Variants in EXT1 observed in about 807,000 individuals in gnomAD.
The protein encoded by EXT1 is exostosin-1.
Under a neutral mutation model 82.5 loss-of-function variants are expected in EXT1, and 20 were observed. The ratio of observed to expected loss-of-function variants is 0.24; its 90% CI spans 0.17 to 0.35. The LOEUF is 0.35. Among genes scored for constraint, EXT1 ranks in the 10% least tolerant of loss-of-function variants. The pLI is 1.00. For synonymous variants in EXT1, 348 were observed against 350.8 expected, an observed-to-expected ratio of 0.99 and a Z score of 0.09; for missense variants, 757 against 936.5, an observed-to-expected ratio of 0.81 and a Z score of 2.50.
intron 1 of EXT1, among the ~76,000 whole-genome samples, chr8:118,009,593 G>C (rs1303043202): frequency 6.6e-6 from 1 of 152,222 alleles, no homozygotes; most frequent in African/African-American, 2.4e-5. Context: ...GGCCTGTTAG[G>C]AACCGGGCTG....
At chr8:118,059,454 A>G (rs1232882287) in intron 1 of EXT1, among the ~76,000 whole-genome samples, 1 of 152,208 alleles carries the variant, frequency 6.6e-6, no homozygotes, top group Non-Finnish European at 1.5e-5. Flanking sequence ...AATGGGGTCC[A>G]GCTTGTCTTT....
chr8:117,930,494 G>A (rs1183308930), intron 1 of EXT1, among the ~76,000 whole-genome samples: 1 of 152,120 alleles, frequency 6.6e-6, no homozygotes, highest in African/African-American at 2.4e-5. Flanking sequence ...TCCACATCTG[G>A]TCAACCCCCA....
At chr8:118,050,416 A>T (rs918903694) in intron 1 of EXT1, among the ~76,000 whole-genome samples, 1 of 152,222 alleles carries the variant, frequency 6.6e-6, no homozygotes, top group Non-Finnish European at 1.5e-5. Flanking sequence ...ACCAAGACAT[A>T]ACATGGACTC....
chr8:118,002,754 G>A (rs530122852), intron 1 of EXT1, among the ~76,000 whole-genome samples: 10 of 151,834 alleles, frequency 6.6e-5, no homozygotes, highest in African/African-American at 2.2e-4. Context: ...GGATGGTCTC[G>A]ATTTCCTGAA....
intron 1 of EXT1, among the ~76,000 whole-genome samples, chr8:117,839,483 T>G (rs140334443): frequency 6.6e-6 from 1 of 152,344 alleles, no homozygotes; most frequent in East Asian, 1.9e-4. Context: ...TCTGTTCATA[T>G]GTATGCAGTG....
At chr8:117,947,347 T>C (rs1053564199) in intron 1 of EXT1, among the ~76,000 whole-genome samples, 1 of 152,216 alleles carries the variant, frequency 6.6e-6, no homozygotes, top group Non-Finnish European at 1.5e-5. Context: ...TTTGAGGTAA[T>C]GTTTACATGA....
chr8:118,074,359 G>T (rs1320908234), intron 1 of EXT1, among the ~76,000 whole-genome samples: 1 of 152,194 alleles, frequency 6.6e-6, no homozygotes, highest in African/African-American at 2.4e-5. Flanking sequence ...GAAGAGCCAG[G>T]AATGCATCCG....
intron 1 of EXT1, among the ~76,000 whole-genome samples, chr8:117,887,268 C>T (rs2129933885): frequency 6.6e-6 from 1 of 152,258 alleles, no homozygotes; most frequent in East Asian, 1.9e-4. Context: ...TTTCCTTCTC[C>T]TTGACTAAGG....
chr8:117,986,213 G>A (rs1446064981), intron 1 of EXT1, among the ~76,000 whole-genome samples: 1 of 109,614 alleles, frequency 9.1e-6, no homozygotes, highest in East Asian at 2.4e-4. Context: ...TTTTTGAGAC[G>A]AAGTCTCGCT....
At chr8:117,902,640 A>T (rs4602926) in intron 1 of EXT1, among the ~76,000 whole-genome samples, 38,802 of 152,084 alleles carry the variant, frequency 0.26, 5,702 homozygotes, top group East Asian at 0.36. Flanking sequence ...TAAATGGCAA[A>T]ACATATTAGG....
intron 1 of EXT1, among the ~76,000 whole-genome samples, chr8:118,008,481 G>A (rs1322585030): frequency 1.3e-5 from 2 of 151,990 alleles, no homozygotes; most frequent in African/African-American, 2.4e-5. Flanking sequence ...GGCTGGTCTC[G>A]AACTAGGTGA....
rs546094331 is a variant in EXT1 at position 117,889,399 on chromosome 8, G to C, written c.963-52198C>G. Among the ~76,000 whole-genome samples the C allele has an allele frequency of 2.0e-5, 3 of 152,238 alleles. No homozygotes were observed. In the East Asian group the frequency reaches 5.8e-4, roughly 29 times the overall value. On this transcript the variant is annotated intron_variant, in intron 1 of 10. Transcript: ENST00000378204. The stretch of plus-strand genomic sequence containing the variant: ...AAACACATTCAACAAATTTAGCTCA[G>C]GGACTCTCTGCTCTATAGCCTGTAA...
chr8:118,073,892 C>T (rs896165408), intron 1 of EXT1, among the ~76,000 whole-genome samples: 1 of 152,160 alleles, frequency 6.6e-6, no homozygotes, highest in Admixed American at 6.5e-5. Flanking sequence ...ATCTTTCCAA[C>T]GGTCCCTTGG....
At position 118,110,071 on chromosome 8, in the gene EXT1, G is replaced by T; in HGVS notation, c.962+14C>A. On this transcript the variant is annotated intron_variant, in intron 1 of 10. Coordinates refer to ENST00000378204, the MANE Select transcript of EXT1 (RefSeq NM_000127.3). Reference sequence around the variant, plus strand: ...AAGGCTGACTCCCAAAGACACGCCAGCCCAGACACTTACTTCTCATACTCG... The same window carrying T: ...AAGGCTGACTCCCAAAGACACGCCATCCCAGACACTTACTTCTCATACTCG... The T allele has an allele frequency of 1.2e-6, 2 of 1,613,366 alleles. No homozygotes were observed. The highest frequency in any genetic ancestry group is 2.2e-5 in the South Asian group (2 of 90,996).
chr8:117,799,347 T>C lies in EXT1; in HGVS notation c.*365A>G. 1 of 288,910 alleles carries C rather than the reference T, an allele frequency of 3.5e-6. No individual in the cohort carries two copies. The highest frequency in any genetic ancestry group is 5.4e-5 in the South Asian group (1 of 18,488). 17.9% of individuals were successfully genotyped at this position (288,910 alleles called of 1,614,324 possible). ...GAAAAGGAATAGCAGCTTTGAAATA[T>C]TCACAACCAACACAATTTTGATTAA... On this transcript the variant is annotated 3_prime_UTR_variant, in exon 11 of 11. Coordinates refer to ENST00000378204, the MANE Select transcript of EXT1 (RefSeq NM_000127.3).
intron 1 of EXT1, among the ~76,000 whole-genome samples, chr8:118,024,526 A>C (rs1284808917): frequency 8.0e-6 from 1 of 125,772 alleles, no homozygotes; most frequent in African/African-American, 3.6e-5. Flanking sequence ...AGCTTTAAAA[A>C]AAAGAAAAAA....
intron 1 of EXT1, among the ~76,000 whole-genome samples, chr8:117,968,297 T>G (rs553391347): frequency 1.2e-4 from 18 of 152,160 alleles, no homozygotes; most frequent in African/African-American, 4.3e-4. Context: ...TTAGTAGTTT[T>G]TTGAAATTTT....
intron 1 of EXT1, among the ~76,000 whole-genome samples, chr8:118,032,149 T>C (rs1741773947): frequency 1.4e-5 from 2 of 144,750 alleles, no homozygotes; most frequent in South Asian, 2.4e-4. Flanking sequence ...GCGATGACTT[T>C]TGCACCGACC....
intron 1 of EXT1, among the ~76,000 whole-genome samples, chr8:118,002,702 T>C (rs941912781): frequency 6.6e-6 from 1 of 151,780 alleles, no homozygotes; most frequent in Non-Finnish European, 1.5e-5. Context: ...CCCCTAATTT[T>C]TTTGTATTTT....
Sources: gnomAD v4.1 joint callset for allele counts (sites outside exome capture counted in the v4.1 genomes callset) on GRCh38, gnomAD v4.1.1 for gene constraint, MANE v1.5 for transcripts, NCBI Gene and HGNC (gene_info 2026-07-23, HGNC 2026-07-21) for gene names.